The following WWOX variants were observed in gnomAD, a reference collection of about 807,000 sequenced individuals.
WWOX encodes the protein WW domain-containing oxidoreductase.
In WWOX, 69 loss-of-function variants were observed where a neutral mutation model predicts 46.2. The observed-to-expected ratio is 1.49, with a 90% CI of 1.23 to 1.82. The LOEUF (loss-of-function observed/expected upper bound fraction) is 1.82. Among genes scored for constraint, WWOX ranks in the 40% most tolerant of loss-of-function variants. The pLI is 0.00. For synonymous variants in WWOX, 359 were observed against 202.6 expected, an observed-to-expected ratio of 1.77 and a Z score of -6.56; for missense variants, 919 against 542.6, an observed-to-expected ratio of 1.69 and a Z score of -6.89.
chr16:78,276,145 T>C (rs1412365028), intron 5 of WWOX, among the ~76,000 whole-genome samples: 2 of 151,900 alleles, frequency 1.3e-5, no homozygotes, highest in Non-Finnish European at 2.9e-5. Context: ...AACTCATGAG[T>C]GGTAGTGAGT....
chr16:79,069,976 G>C (rs866578687), intron 8 of WWOX, among the ~76,000 whole-genome samples: 1 of 152,168 alleles, frequency 6.6e-6, no homozygotes, highest in Admixed American at 6.5e-5. Flanking sequence ...CAACCAATTA[G>C]TATTCAAGCA....
At chr16:78,804,117 G>A (rs919696269) in intron 8 of WWOX, among the ~76,000 whole-genome samples, 1 of 152,170 alleles carries the variant, frequency 6.6e-6, no homozygotes, top group South Asian at 2.1e-4. Context: ...GATTGTGGCA[G>A]ATGGGTCAGA....
chr16:79,160,776 C>T (rs2050470213), intron 8 of WWOX, among the ~76,000 whole-genome samples: 1 of 152,056 alleles, frequency 6.6e-6, no homozygotes, highest in East Asian at 1.9e-4. Flanking sequence ...GTGATTTGTG[C>T]ATTCATATGT....
chr16:78,176,560 G>A (rs1200709298), intron 5 of WWOX, among the ~76,000 whole-genome samples: 2 of 152,170 alleles, frequency 1.3e-5, no homozygotes, highest in Non-Finnish European at 2.9e-5. Context: ...ATGCATCTTT[G>A]TAATGGCTTT....
chr16:78,575,545 C>G (rs2044856806), intron 8 of WWOX, among the ~76,000 whole-genome samples: 1 of 152,010 alleles, frequency 6.6e-6, no homozygotes, highest in Admixed American at 6.6e-5. Context: ...GTGACTTCAG[C>G]TTTGTTTTGG....
At chr16:78,158,598 C>G (rs887269311) in intron 4 of WWOX, among the ~76,000 whole-genome samples, 2 of 150,752 alleles carry the variant, frequency 1.3e-5, no homozygotes, top group African/African-American at 4.9e-5. Context: ...TAGTGTTTTT[C>G]TAGGAATTTG....
At chr16:79,192,059 C>T (rs930881093) in intron 8 of WWOX, among the ~76,000 whole-genome samples, 1 of 152,196 alleles carries the variant, frequency 6.6e-6, no homozygotes, top group Non-Finnish European at 1.5e-5. Context: ...TTTTCTTCTC[C>T]TCAAGATAAG....
At chr16:78,407,918 A>G (rs2082587108) in intron 6 of WWOX, among the ~76,000 whole-genome samples, 2 of 152,332 alleles carry the variant, frequency 1.3e-5, no homozygotes, top group South Asian at 2.1e-4. Context: ...ATTATGGCAC[A>G]TGGTAGAAAG....
At chr16:78,889,903 C>T (rs539483071) in intron 8 of WWOX, among the ~76,000 whole-genome samples, 5 of 152,168 alleles carry the variant, frequency 3.3e-5, no homozygotes, top group African/African-American at 1.2e-4. Flanking sequence ...TAAACTCCCA[C>T]TGTTTATAAG....
intron 8 of WWOX, among the ~76,000 whole-genome samples, chr16:78,717,142 C>T (rs976749202): frequency 2.0e-5 from 3 of 152,174 alleles, no homozygotes; most frequent in South Asian, 2.1e-4. Flanking sequence ...CAGAGGTGCT[C>T]TGTGTAAATC....
chr16:78,417,873 C>A (rs892893998), intron 6 of WWOX, among the ~76,000 whole-genome samples: 3 of 152,134 alleles, frequency 2.0e-5, no homozygotes, highest in Non-Finnish European at 4.4e-5. Flanking sequence ...CTGACCCCAA[C>A]CACACCATGA....
intron 8 of WWOX, among the ~76,000 whole-genome samples, chr16:78,461,532 CT>C (rs1457757771): frequency 6.6e-6 from 1 of 152,184 alleles, no homozygotes; most frequent in Non-Finnish European, 1.5e-5. Context: ...CAAACAGATC[CT>C]TTCGCAAGGA....
At chr16:79,019,752 G>C (rs1226238236) in intron 8 of WWOX, among the ~76,000 whole-genome samples, 3 of 152,040 alleles carry the variant, frequency 2.0e-5, no homozygotes, top group African/African-American at 2.4e-5. Flanking sequence ...GGTCCAGAGA[G>C]GGAAGAGAGC....
chr16:78,989,354 C>T (rs534651011), intron 8 of WWOX, among the ~76,000 whole-genome samples: 1 of 152,258 alleles, frequency 6.6e-6, no homozygotes, highest in South Asian at 2.1e-4. Context: ...CTCATCTTTG[C>T]TTCCTTGGAT....
chr16:78,349,038 A>C lies in WWOX; in HGVS notation c.517-37822A>C, dbSNP rs116783379. Reference sequence around the variant, plus strand: ...AAAATACCACAGGCTGGATAACTTGAACAACAAAAATACATTTTCTCATAG... The same window carrying C: ...AAAATACCACAGGCTGGATAACTTGCACAACAAAAATACATTTTCTCATAG... On this transcript the variant is annotated intron_variant, in intron 5 of 8. Transcript: ENST00000566780. Among the ~76,000 whole-genome samples the C allele has an allele frequency of 4.0e-3, 480 of 120,000 alleles. 97 individuals carry two copies. The highest frequency in any genetic ancestry group is 0.013 in the African/African-American group (464 of 35,404). 78.7% of individuals were successfully genotyped at this position (120,000 alleles called of 152,430 possible).
intron 8 of WWOX, among the ~76,000 whole-genome samples, chr16:79,093,250 A>G (rs1360399836): frequency 6.6e-6 from 1 of 152,222 alleles, no homozygotes; most frequent in East Asian, 1.9e-4. Context: ...AGAGAGGCAG[A>G]TTTTGGAGGC....
At chr16:78,891,984 G>C (rs1328273413) in intron 8 of WWOX, 1 of 152,068 alleles carries the variant, frequency 6.6e-6, no homozygotes, top group African/African-American at 2.4e-5. Flanking sequence ...TCATAACCTA[G>C]GATATTTAAG....
chr16:78,109,941 G>T, intron 3 of WWOX, 106 bp downstream of exon 3: 2 of 1,187,726 alleles, frequency 1.7e-6, no homozygotes, highest in Non-Finnish European at 2.5e-6. Flanking sequence ...AAGTATAACA[G>T]TGTGTATCTG....
chr16:78,432,176 G>A (rs752683844), intron 7 of WWOX, among the ~76,000 whole-genome samples: 3 of 150,912 alleles, frequency 2.0e-5, no homozygotes, highest in African/African-American at 4.9e-5. Context: ...GGAGTGCAGT[G>A]GCACAATCTT....
Sources: allele counts gnomAD v4.1 joint callset (sites outside exome capture counted in the v4.1 genomes callset), GRCh38; gene constraint gnomAD v4.1.1; transcripts MANE v1.5; gene names NCBI Gene and HGNC (gene_info 2026-07-23, HGNC 2026-07-21).